Variants in MAGI3 observed in about 807,000 individuals in gnomAD.
The protein encoded by MAGI3 is membrane-associated guanylate kinase, WW and PDZ domain-containing protein 3.
In MAGI3, 43 loss-of-function variants were observed where a neutral mutation model predicts 121.8. The observed-to-expected ratio is 0.35, with a 90% CI of 0.28 to 0.46. The LOEUF (loss-of-function observed/expected upper bound fraction) is 0.46, where lower values mean the gene tolerates loss of function less well. Ranked by LOEUF, MAGI3 falls within the 20% of genes least tolerant of loss-of-function variation. The probability of loss-of-function intolerance (pLI) is 1.00; values close to 1 mark genes in which losing one functional copy is unlikely to be tolerated. For missense variants in MAGI3, 1,547 were observed against 1,797.3 expected, an observed-to-expected ratio of 0.86 and a Z score of 2.52; for synonymous variants, 553 against 639.3, an observed-to-expected ratio of 0.86 and a Z score of 2.04.
chr1:113,677,794 A>G (rs1035596671), intron 19 of MAGI3, among the ~76,000 whole-genome samples: 1 of 151,954 alleles, frequency 6.6e-6, no homozygotes, highest in Non-Finnish European at 1.5e-5. Flanking sequence ...TTTTTCAATA[A>G]TACAAAACTG....
At chr1:113,530,129 C>A (rs1030553281) in intron 1 of MAGI3, among the ~76,000 whole-genome samples, 1 of 151,962 alleles carries the variant, frequency 6.6e-6, no homozygotes, top group Non-Finnish European at 1.5e-5. Flanking sequence ...CATTTTTGTT[C>A]TTTTCTCAAT....
chr1:113,563,433 T>G (rs182754080), intron 2 of MAGI3, among the ~76,000 whole-genome samples: 63 of 152,334 alleles, frequency 4.1e-4, no homozygotes, highest in African/African-American at 1.4e-3. Context: ...AAGAGAGTTC[T>G]TTTCCTGGTT....
intron 15 of MAGI3, among the ~76,000 whole-genome samples, chr1:113,656,104 T>C (rs906987722): frequency 1.3e-5 from 2 of 152,218 alleles, no homozygotes; most frequent in African/African-American, 4.8e-5. Context: ...TAAATTAGGC[T>C]CAGGTTGTTG....
chr1:113,512,458 T>G (rs1657665390), intron 1 of MAGI3, among the ~76,000 whole-genome samples: 1 of 152,262 alleles, frequency 6.6e-6, no homozygotes. Context: ...GTGTTCTTTT[T>G]ATTCTTTCTC....
At chr1:113,563,087 A>AAT (rs1418666584) in intron 2 of MAGI3, among the ~76,000 whole-genome samples, 1 of 152,226 alleles carries the variant, frequency 6.6e-6, no homozygotes, top group Non-Finnish European at 1.5e-5. Flanking sequence ...TTAGCAAGTC[A>AAT]ATATATATAG....
chr1:113,543,327 T>C (rs992166392), intron 1 of MAGI3, among the ~76,000 whole-genome samples: 36 of 152,232 alleles, frequency 2.4e-4, no homozygotes, highest in African/African-American at 8.2e-4. Flanking sequence ...ATATAAACTA[T>C]AATTAAAACC....
intron 20 of MAGI3, among the ~76,000 whole-genome samples, chr1:113,681,845 G>A (rs915152837): frequency 6.6e-6 from 1 of 152,194 alleles, no homozygotes; most frequent in African/African-American, 2.4e-5. Context: ...TTGGACCTGA[G>A]ACCATTTCTG....
chr1:113,461,039 C>A (rs1655007810), intron 1 of MAGI3, among the ~76,000 whole-genome samples: 1 of 152,064 alleles, frequency 6.6e-6, no homozygotes, highest in African/African-American at 2.4e-5. Flanking sequence ...GGTGAAAGAT[C>A]TCTACAATGA....
chr1:113,491,532 G>A (rs529053900), intron 1 of MAGI3, among the ~76,000 whole-genome samples: 36 of 152,090 alleles, frequency 2.4e-4, no homozygotes, highest in East Asian at 3.9e-4. Context: ...AAATTAGAGC[G>A]AACTGAAGGA....
rs868530591 is a variant in MAGI3, at chr1:113,514,969, C to G, written c.317-34546C>G. On this transcript the variant is annotated intron_variant, in intron 1 of 20. Transcript: ENST00000307546. ...CACATCTAGTAGTTCTGGGTCAGTG[C>G]CCTTATTGCCCTTACCTGACATTTA... Among the ~76,000 whole-genome samples, 5 of 151,908 alleles carry G rather than the reference C, an allele frequency of 3.3e-5. No individual in the cohort carries two copies. The South Asian group carries it at 6.2e-4, about 19-fold the overall frequency.
intron 6 of MAGI3, among the ~76,000 whole-genome samples, chr1:113,608,339 A>G (rs1302123213): frequency 1.3e-5 from 2 of 152,186 alleles, no homozygotes; most frequent in African/African-American, 2.4e-5. Context: ...TTCAATCTCT[A>G]TAAGGCTCTG....
At chr1:113,613,403 G>A (rs1008897165) in intron 6 of MAGI3, among the ~76,000 whole-genome samples, 1 of 152,088 alleles carries the variant, frequency 6.6e-6, no homozygotes, top group Non-Finnish European at 1.5e-5. Flanking sequence ...ATTTTCACCA[G>A]GAGGCTAGTC....
chr1:113,487,830 A>T (rs1334963714), intron 1 of MAGI3, among the ~76,000 whole-genome samples: 1 of 151,864 alleles, frequency 6.6e-6, no homozygotes, highest in African/African-American at 2.4e-5. Flanking sequence ...TGATAAAATA[A>T]TTTTTTTTCA....
chr1:113,594,781 A>C (rs948811963), intron 6 of MAGI3, among the ~76,000 whole-genome samples: 1 of 152,324 alleles, frequency 6.6e-6, no homozygotes, highest in Non-Finnish European at 1.5e-5. Flanking sequence ...AACTCTCTAT[A>C]AAAAATAACA....
At chr1:113,416,427 T>C (rs1391675308) in intron 1 of MAGI3, among the ~76,000 whole-genome samples, 3 of 126,126 alleles carry the variant, frequency 2.4e-5, no homozygotes, top group African/African-American at 6.0e-5. Flanking sequence ...TAATTAATAA[T>C]ATATATTAAT....
intron 1 of MAGI3, among the ~76,000 whole-genome samples, chr1:113,412,705 C>G (rs895290000): frequency 6.6e-6 from 1 of 150,686 alleles, no homozygotes; most frequent in African/African-American, 2.4e-5. Flanking sequence ...CCTCTGCCCG[C>G]TTTTTGGTGG....
At position 113,536,801 on chromosome 1, in the gene MAGI3, A is replaced by G. The variant is rs564505719; in HGVS notation, c.317-12714A>G. ...AAATATAAGATGATTTCCTCTTCTA[A>G]GGATAGTTTTTGATATTGAAAAACT... On this transcript the variant is annotated intron_variant, in intron 1 of 20. Coordinates refer to ENST00000307546, the MANE Select transcript of MAGI3 (RefSeq NM_001142782.2). Among the ~76,000 whole-genome samples the G allele has an allele frequency of 5.9e-5, 9 of 152,210 alleles. No individual in the cohort carries two copies. In the South Asian group the frequency reaches 6.2e-4, roughly 11 times the overall value.
At chr1:113,567,804 G>A (rs1660494058) in intron 2 of MAGI3, among the ~76,000 whole-genome samples, 1 of 152,024 alleles carries the variant, frequency 6.6e-6, no homozygotes, top group Non-Finnish European at 1.5e-5. Context: ...CTGCAATAAA[G>A]CAAGGATGCC....
chr1:113,512,326 C>T (rs2101613096), intron 1 of MAGI3, among the ~76,000 whole-genome samples: 1 of 152,228 alleles, frequency 6.6e-6, no homozygotes, highest in Non-Finnish European at 1.5e-5. Flanking sequence ...AATCACAGGC[C>T]TTGAAGAGAG....
Sources: gnomAD v4.1 joint callset for allele counts (sites outside exome capture counted in the v4.1 genomes callset) on GRCh38, gnomAD v4.1.1 for gene constraint, MANE v1.5 for transcripts, NCBI Gene and HGNC (gene_info 2026-07-23, HGNC 2026-07-21) for gene names.